Variants in PRR5L observed in about 807,000 individuals in gnomAD.
The protein encoded by PRR5L is proline rich 5 like, also known as proline-rich protein 5-like.
PRR5L carries 21 observed loss-of-function variants against 36.4 expected under a neutral mutation model. The ratio of observed to expected loss-of-function variants is 0.58; its 90% CI spans 0.41 to 0.83. The LOEUF (loss-of-function observed/expected upper bound fraction) is 0.83. Among genes scored for constraint, PRR5L ranks in the 40% least tolerant of loss-of-function variants. The pLI is 0.00. For missense variants in PRR5L, 381 were observed against 473.3 expected (o/e 0.80, Z 1.81); for synonymous variants, 188 against 197.0 (o/e 0.95, Z 0.38).
At chr11:36,351,873 C>T (rs992418307) in intron 1 of PRR5L, among the ~76,000 whole-genome samples, 6 of 147,346 alleles carry the variant, frequency 4.1e-5, no homozygotes, top group Non-Finnish European at 5.9e-5. Context: ...GCGAATTGTG[C>T]GGCTATAAAC....
chr11:36,332,741 G>A (rs569044267), intron 1 of PRR5L, among the ~76,000 whole-genome samples: 29 of 152,168 alleles, frequency 1.9e-4, no homozygotes, highest in Admixed American at 1.3e-3. Context: ...TGTTTAAAGA[G>A]CCTGGCACCT....
chr11:36,347,919 A>C (rs957237336), intron 1 of PRR5L, among the ~76,000 whole-genome samples: 1 of 152,050 alleles, frequency 6.6e-6, no homozygotes, highest in South Asian at 2.1e-4. Context: ...AAAGTTTCTG[A>C]ATCTCTCCAA....
chr11:36,374,023 TA>T (rs1857223744), intron 1 of PRR5L, among the ~76,000 whole-genome samples: 1 of 152,028 alleles, frequency 6.6e-6, no homozygotes, highest in Admixed American at 6.6e-5. Context: ...TAGGAGGTGG[TA>T]AAAGACAGAT....
chr11:36,450,247 A>C (rs1009796643), intron 7 of PRR5L, among the ~76,000 whole-genome samples: 2 of 152,180 alleles, frequency 1.3e-5, no homozygotes, highest in Non-Finnish European at 2.9e-5. Context: ...AGTGGAGTCT[A>C]CTTTGAAAGT....
intron 4 of PRR5L, among the ~76,000 whole-genome samples, chr11:36,424,628 A>T (rs933271432): frequency 2.0e-5 from 3 of 152,204 alleles, no homozygotes; most frequent in African/African-American, 7.2e-5. Flanking sequence ...GCTCTTGAAG[A>T]GCTATAAGGA....
At chr11:36,449,866 G>C (rs12294785) in intron 7 of PRR5L, among the ~76,000 whole-genome samples, 22,744 of 152,130 alleles carry the variant, frequency 0.15, 1,837 homozygotes, top group Non-Finnish European at 0.16. Flanking sequence ...CAAATCACGT[G>C]TTCATTATCC....
In PRR5L at chr11:36,403,373, C is replaced by T. The variant is rs1387079305; in HGVS notation, c.240C>T (p.Asn80=). 1 of 1,613,428 alleles carries T rather than the reference C, an allele frequency of 6.2e-7. No homozygotes were observed. The highest frequency in any genetic ancestry group is 1.1e-5 in the South Asian group (1 of 91,050). Residue 80 remains asparagine, a synonymous_variant, in exon 3 of 9, where the codon AAC becomes AAT. Transcript: ENST00000530639. ...ACGAGCTCTATGCCCTGAACGAAAA[C>T]ATCAGGTATGTGGCAGGCCAGACTT... ...QSNELYALNE[N]IRRLLKSELG...
chr11:36,327,912 G>C (rs1856681151), intron 1 of PRR5L, among the ~76,000 whole-genome samples: 1 of 152,158 alleles, frequency 6.6e-6, no homozygotes, highest in Non-Finnish European at 1.5e-5. Flanking sequence ...TACACTTACT[G>C]ATTGATGTCT....
Position 36,464,264 on chromosome 11 carries a change from T to G in PRR5L, c.*1528T>G, listed in dbSNP as rs1859250114. The G allele has an allele frequency of 6.6e-6, 1 of 152,202 alleles. No homozygotes were observed. The highest frequency in any genetic ancestry group is 2.4e-5 in the African/African-American group (1 of 41,446). The allele number at this position is 152,202 out of a possible 1,614,324, so 9.4% of individuals were successfully genotyped here. The stretch of plus-strand genomic sequence containing the variant: ...GAAATCTCAAAGAGATGAGCCACCT[T>G]GGCTTCCAATATGGCAAGAGGGTGC... On this transcript the variant is annotated 3_prime_UTR_variant, in exon 9 of 9. Transcript: ENST00000530639.
intron 1 of PRR5L, among the ~76,000 whole-genome samples, chr11:36,305,072 A>G (rs1856416644): frequency 6.6e-6 from 1 of 152,252 alleles, no homozygotes; most frequent in South Asian, 2.1e-4. Flanking sequence ...AAATTCGTTT[A>G]GAAATGTTCA....
chr11:36,351,481 ATTTATATATTTATATATATT>A (rs1856953260), intron 1 of PRR5L, among the ~76,000 whole-genome samples: 3 of 37,370 alleles, frequency 8.0e-5, no homozygotes, highest in Admixed American at 9.5e-4. Flanking sequence ...ATACATATAT[ATTTATATATTTATATATATT>A]TTTATATATT....
chr11:36,337,499 T>C (rs1405061540), intron 1 of PRR5L, among the ~76,000 whole-genome samples: 1 of 152,240 alleles, frequency 6.6e-6, no homozygotes, highest in African/African-American at 2.4e-5. Flanking sequence ...TGTTACAGCA[T>C]TCCAAATGGA....
In PRR5L at chr11:36,442,707, G is replaced by A. The variant is rs146258613; in HGVS notation, c.445-3593G>A. Among the ~76,000 whole-genome samples, 511 of 152,252 alleles carry A rather than the reference G, an allele frequency of 3.4e-3. 1 individual carries two copies. The highest frequency in any genetic ancestry group is 0.012 in the African/African-American group (493 of 41,520). ...GTTCAACCTCCCACAAATCCCCCGG[G>A]CATGGACACAATACAGACAAATTAT... On this transcript the variant is annotated intron_variant, in intron 6 of 8. Transcript: ENST00000530639.
At chr11:36,349,296 A>AAAG (rs1554986758) in intron 1 of PRR5L, among the ~76,000 whole-genome samples, 1 of 151,190 alleles carries the variant, frequency 6.6e-6, no homozygotes, top group African/African-American at 2.4e-5. Context: ...AAAAAAAAAA[A>AAAG]GAAAAATTGA....
At chr11:36,308,265 C>T (rs567636603) in intron 1 of PRR5L, among the ~76,000 whole-genome samples, 45 of 152,356 alleles carry the variant, frequency 3.0e-4, no homozygotes, top group African/African-American at 9.6e-4. Flanking sequence ...TTTGCCAAGA[C>T]TTCCATTGCT....
intron 1 of PRR5L, among the ~76,000 whole-genome samples, chr11:36,337,683 A>G (rs1170534681): frequency 6.6e-6 from 1 of 152,196 alleles, no homozygotes; most frequent in Non-Finnish European, 1.5e-5. Flanking sequence ...AGTTGCTGCC[A>G]TATTGTTCCG....
intron 7 of PRR5L, 24 bp from the exon 8 acceptor site, chr11:36,451,185 G>A: frequency 6.2e-7 from 1 of 1,613,522 alleles, no homozygotes; most frequent in Non-Finnish European, 8.5e-7. Context: ...TGACCTTTGT[G>A]TATCTTGGCT....
At chr11:36,309,470 A>C (rs1856471853) in intron 1 of PRR5L, among the ~76,000 whole-genome samples, 1 of 152,202 alleles carries the variant, frequency 6.6e-6, no homozygotes, top group Admixed American at 6.5e-5. Context: ...TTTAAGAATA[A>C]AATTATCAGG....
chr11:36,410,017 G>A (rs1857991803), intron 3 of PRR5L, among the ~76,000 whole-genome samples: 1 of 152,200 alleles, frequency 6.6e-6, no homozygotes, highest in South Asian at 2.1e-4. Flanking sequence ...ATGAGGTAAG[G>A]GGGGCATTGC....
Sources: gnomAD v4.1 joint callset for allele counts (sites outside exome capture counted in the v4.1 genomes callset) on GRCh38, gnomAD v4.1.1 for gene constraint, MANE v1.5 for transcripts, NCBI Gene and HGNC (gene_info 2026-07-23, HGNC 2026-07-21) for gene names.